MTMR9: variants seen among roughly 807,000 people sequenced by gnomAD.
MTMR9 encodes myotubularin related protein 9, also known as myotubularin-related protein 9.
A neutral mutation model predicts 69.5 loss-of-function variants in MTMR9; 39 were observed. The ratio of observed to expected loss-of-function variants is 0.56; its 90% confidence interval spans 0.43 to 0.73. The LOEUF (loss-of-function observed/expected upper bound fraction) is 0.73, where lower values mean the gene tolerates loss of function less well. Ranked by LOEUF, MTMR9 falls within the 30% of genes least tolerant of loss-of-function variation. The pLI is 0.00. For synonymous variants in MTMR9, 354 were observed against 240.8 expected (o/e 1.47, Z -4.35); for missense variants, 900 against 671.2 (o/e 1.34, Z -3.77).
intron 7 of MTMR9, 23 bp from the exon 8 acceptor site, chr8:11,316,650 T>C: frequency 1.3e-6 from 2 of 1,532,984 alleles, no homozygotes; most frequent in South Asian, 1.2e-5. Flanking sequence ...GATATGACTG[T>C]CACGCCTCCA....
chr8:11,305,431 G>C (rs904104774), intron 4 of MTMR9, among the ~76,000 whole-genome samples: 1 of 152,216 alleles, frequency 6.6e-6, no homozygotes, highest in Non-Finnish European at 1.5e-5. Context: ...TGAAAAGAGT[G>C]ATGCTCATGT....
At chr8:11,339,052 A>T in the MTMR9 span, among the ~76,000 whole-genome samples, 1 of 152,208 alleles carries the variant, frequency 6.6e-6, no homozygotes, top group South Asian at 2.1e-4. Context: ...CCCCTGTGCA[A>T]GGCCATGTCA....
chr8:11,322,849 G>T lies in MTMR9; in HGVS notation c.*61G>T. On this transcript the variant is annotated 3_prime_UTR_variant, in exon 10 of 10. Coordinates refer to ENST00000221086, the MANE Select transcript of MTMR9 (RefSeq NM_015458.4). ...GGCCTGTGTCCGCCGTTCTCTCCTT[G>T]TGCCCTTCAGTTCACTTTTACACGG... 2 of 1,495,810 alleles carry T rather than the reference G, an allele frequency of 1.3e-6. No individual in the cohort carries two copies. The allele number at this position is 1,495,810 out of a possible 1,614,324, so 92.7% of individuals were successfully genotyped here.
intron 6 of MTMR9, among the ~76,000 whole-genome samples, chr8:11,313,572 C>T (rs1800291045): frequency 1.3e-5 from 2 of 152,180 alleles, no homozygotes; most frequent in South Asian, 4.1e-4. Flanking sequence ...CTCTTCCTTT[C>T]ATTTGAACAC....
chr8:11,319,854 T>C lies in MTMR9; in HGVS notation c.1486+16T>C, dbSNP rs772126374. ...CTGTGGGAAGGTAAACCACGCATCC[T>C]TTGCAAACTTCTTAACGGTCAGGTG... On this transcript the variant is annotated intron_variant, in intron 9 of 9. Coordinates refer to ENST00000221086, the MANE Select transcript of MTMR9 (RefSeq NM_015458.4). 1 of 1,613,346 alleles carries C rather than the reference T, an allele frequency of 6.2e-7. No homozygotes were observed. The highest frequency in any genetic ancestry group is 1.1e-5 in the South Asian group (1 of 91,030).
At chr8:11,309,727 C>T in intron 6 of MTMR9, 39 bp downstream of exon 6, 1 of 1,601,596 alleles carries the variant, frequency 6.2e-7, no homozygotes, top group Non-Finnish European at 8.5e-7. Context: ...AAACATGGCG[C>T]TGCTAACTAG....
chr8:11,317,474 C>T (rs1460272751), intron 8 of MTMR9: 1 of 152,152 alleles, frequency 6.6e-6, no homozygotes, highest in Non-Finnish European at 1.5e-5. Context: ...CCCTAGATTC[C>T]CCACATGCGC....
chr8:11,299,932 G>A lies in MTMR9; in HGVS notation c.292-91G>A, dbSNP rs892640141. On this transcript the variant is annotated intron_variant, in intron 2 of 9. Coordinates refer to ENST00000221086, the MANE Select transcript of MTMR9 (RefSeq NM_015458.4). Reference sequence around the variant, plus strand: ...ACATTCTGGGTGCCCATCATTATTAGACCATGTTTGCTTAATACTAATTTG... The same window carrying A: ...ACATTCTGGGTGCCCATCATTATTAAACCATGTTTGCTTAATACTAATTTG... 10 of 1,436,744 alleles carry A rather than the reference G, an allele frequency of 7.0e-6. No individual in the cohort carries two copies. The African/African-American group carries it at 1.0e-4, about 14-fold the overall frequency. The allele number at this position is 1,436,744 out of a possible 1,614,324, so 89.0% of individuals were successfully genotyped here.
chr8:11,306,997 G>C (rs1162580820), intron 5 of MTMR9, among the ~76,000 whole-genome samples: 1 of 152,202 alleles, frequency 6.6e-6, no homozygotes, highest in Admixed American at 6.5e-5. Context: ...ATGGGTGCCT[G>C]ACTTATTTCA....
chr8:11,317,376 G>A (rs1385765399), intron 8 of MTMR9: 2 of 152,300 alleles, frequency 1.3e-5, no homozygotes, highest in African/African-American at 2.4e-5. Context: ...GGGTGGCAGC[G>A]GGATTGGTGA....
the MTMR9 span, among the ~76,000 whole-genome samples, chr8:11,337,957 G>T: frequency 6.6e-6 from 1 of 152,196 alleles, no homozygotes; most frequent in Admixed American, 6.5e-5. Flanking sequence ...TCTCAACATG[G>T]TTCCTGCTGT....
chr8:11,331,874 G>T (rs746373540), downstream of MTMR9: 49 of 1,612,012 alleles, frequency 3.0e-5, no homozygotes, highest in Middle Eastern at 4.5e-4. Context: ...GGAGTTGTGT[G>T]GGGGCAGAGG....
At chr8:11,319,588 C>A in intron 8 of MTMR9, 99 bp from the exon 9 acceptor site, 1 of 1,261,128 alleles carries the variant, frequency 7.9e-7, no homozygotes, top group Admixed American at 2.1e-5. Flanking sequence ...TGTATTCTAT[C>A]TTCTTTCATA....
downstream of MTMR9, among the ~76,000 whole-genome samples, chr8:11,329,703 G>A (rs1801117957): frequency 6.6e-6 from 1 of 152,256 alleles, no homozygotes; most frequent in African/African-American, 2.4e-5. Context: ...GCCTCCCAAA[G>A]TGCTGAGATT....
intron 9 of MTMR9, chr8:11,321,374 G>A (rs1444131539): frequency 2.2e-6 from 1 of 456,078 alleles, no homozygotes; most frequent in Non-Finnish European, 4.4e-6. Flanking sequence ...AGGACTTCTG[G>A]GACAATGTAC....
At position 11,327,276 on chromosome 8, in the gene MTMR9, C is replaced by G. The variant is rs887973612; in HGVS notation, c.*4488C>G. On this transcript the variant is annotated 3_prime_UTR_variant, in exon 10 of 10. Coordinates refer to ENST00000221086, the MANE Select transcript of MTMR9 (RefSeq NM_015458.4). Reference sequence around the variant, plus strand: ...CTACACTGTGGAACAGTAATTTGTGCCCAATTTAGTGGAAGATAATGAGGC... The same window carrying G: ...CTACACTGTGGAACAGTAATTTGTGGCCAATTTAGTGGAAGATAATGAGGC... 6.6e-6 allele frequency: 1 copy of G among 152,134 alleles called. No individual in the cohort carries two copies. Among genetic ancestry groups the G allele is most frequent in the African/African-American group, 2.4e-5 (1 of 41,422 alleles). 9.4% of individuals were successfully genotyped at this position (152,134 alleles called of 1,614,324 possible).
chr8:11,291,283 G>T (rs183477999), intron 1 of MTMR9, among the ~76,000 whole-genome samples: 1 of 152,010 alleles, frequency 6.6e-6, no homozygotes, highest in Non-Finnish European at 1.5e-5. Context: ...CTTTAAGATG[G>T]TGTATATGCT....
intron 4 of MTMR9, 27 bp downstream of exon 4, chr8:11,305,041 G>A: frequency 1.2e-6 from 2 of 1,601,778 alleles, no homozygotes; most frequent in Non-Finnish European, 1.7e-6. Context: ...ACTGCTTGAT[G>A]TACTGAAAGG....
chr8:11,301,320 A>T (rs1433428806), intron 3 of MTMR9, among the ~76,000 whole-genome samples: 1 of 152,198 alleles, frequency 6.6e-6, no homozygotes, highest in Admixed American at 6.5e-5. Flanking sequence ...AGACCAATGA[A>T]ACAGAATACA....
Sources: allele counts gnomAD v4.1 joint callset (sites outside exome capture counted in the v4.1 genomes callset), GRCh38; gene constraint gnomAD v4.1.1; transcripts MANE v1.5; gene names NCBI Gene and HGNC (gene_info 2026-07-23, HGNC 2026-07-21).